Variants in JAKMIP1 observed in about 807,000 individuals in gnomAD.
JAKMIP1 encodes the protein janus kinase and microtubule-interacting protein 1.
JAKMIP1 carries 33 observed loss-of-function variants against 113.0 expected under a neutral mutation model. The observed-to-expected ratio is 0.29, with a 90% CI of 0.22 to 0.39. The LOEUF (loss-of-function observed/expected upper bound fraction) is 0.39, where lower values mean the gene tolerates loss of function less well. Among genes scored for constraint, JAKMIP1 ranks in the 10% least tolerant of loss-of-function variants. JAKMIP1 has a pLI of 1.00. For synonymous variants in JAKMIP1, 480 were observed against 459.9 expected (o/e 1.04, Z -0.56); for missense variants, 813 against 1,080.5 (o/e 0.75, Z 3.47).
chr4:6,156,177 C>T lies in JAKMIP1; in HGVS notation c.-147-43180G>A, dbSNP rs1722217821. Among the ~76,000 whole-genome samples the T allele has an allele frequency of 6.6e-6, 1 of 152,228 alleles. No individual in the cohort carries two copies. Among genetic ancestry groups the T allele is most frequent in the Non-Finnish European group, 1.5e-5 (1 of 68,036 alleles). ...AGACCGGGAACATCTTCTCACCGTA[C>T]CACGCCCGGCACAGAGCCAGCCAGC... On this transcript the variant is annotated intron_variant, in intron 1 of 20. Coordinates refer to ENST00000409021, the MANE Select transcript of JAKMIP1 (RefSeq NM_001099433.2). This position sits in a 1 kb window ranked among gnomAD's most constrained non-coding sequence, Gnocchi z 5.0.
chr4:6,076,622 A>G lies in JAKMIP1; in HGVS notation c.1302+2317T>C, dbSNP rs927988583. 1.3e-5 allele frequency among the ~76,000 whole-genome samples: 2 copies of G among 152,136 alleles called. No homozygotes were observed. The highest frequency in any genetic ancestry group is 2.9e-5 in the Non-Finnish European group (2 of 68,022). On this transcript the variant is annotated intron_variant, in intron 8 of 20. Coordinates refer to ENST00000409021, the MANE Select transcript of JAKMIP1 (RefSeq NM_001099433.2). The surrounding 1 kb of genome is among the most constrained non-coding windows in gnomAD (Gnocchi z 4.8). ...TGGGAGCCAAATTGCACCCATAGATATATTTTATGTGGCCCACAGGTATAT... is the reference window on the plus strand; with the variant it reads ...TGGGAGCCAAATTGCACCCATAGATGTATTTTATGTGGCCCACAGGTATAT...
chr4:6,074,380 T>A (rs1719409109), intron 8 of JAKMIP1, among the ~76,000 whole-genome samples: 2 of 152,164 alleles, frequency 1.3e-5, no homozygotes, highest in Admixed American at 6.5e-5. Flanking sequence ...AGAGTAGGGA[T>A]GGGGCTGTCA....
rs144848445 is a variant in JAKMIP1 at position 6,032,025 on chromosome 4, C to T, written c.2380-2244G>A. The stretch of plus-strand genomic sequence containing the variant: ...GCAACCCCCTCACATGCAGGGCGGC[C>T]GAGTGCTGCTGAGTAAGCAGGGCAT... On this transcript the variant is annotated intron_variant, in intron 19 of 20. Transcript: ENST00000409021. 3.4e-3 allele frequency among the ~76,000 whole-genome samples: 516 copies of T among 152,262 alleles called. 2 individuals are homozygous for T. Among genetic ancestry groups the T allele is most frequent in the African/African-American group, 0.012 (494 of 41,536 alleles).
At position 6,199,861 on chromosome 4, in the gene JAKMIP1, G is replaced by A. The variant is rs1040166682; in HGVS notation, c.-148+392C>T. Among the ~76,000 whole-genome samples, 4 of 151,460 alleles carry A rather than the reference G, an allele frequency of 2.6e-5. No homozygotes were observed. Among genetic ancestry groups the A allele is most frequent in the Non-Finnish European group, 5.9e-5 (4 of 67,756 alleles). On this transcript the variant is annotated intron_variant, in intron 1 of 20. Transcript: ENST00000409021. The surrounding 1 kb of genome is among the most constrained non-coding windows in gnomAD (Gnocchi z 5.6). ...CACACCCCCCGCGCCACTCCGGCAGGCACCGGGTGGGTCCCCCTCCCGCTC... is the reference window on the plus strand; with the variant it reads ...CACACCCCCCGCGCCACTCCGGCAGACACCGGGTGGGTCCCCCTCCCGCTC...
Position 6,042,354 on chromosome 4 carries a change from G to C in JAKMIP1, c.2029-127C>G. On this transcript the variant is annotated intron_variant, in intron 16 of 20. Transcript: ENST00000409021. The surrounding 1 kb of genome is among the most constrained non-coding windows in gnomAD (Gnocchi z 5.2). ...CAGAGTGTGCTCAGGAATGGGTCAG[G>C]TCATGGCACACACATGCCTGATCTG... 1.4e-6 allele frequency: 1 copy of C among 739,914 alleles called. No homozygotes were observed. Among genetic ancestry groups the C allele is most frequent in the Non-Finnish European group, 2.4e-6 (1 of 422,254 alleles). 45.8% of individuals were successfully genotyped at this position (739,914 alleles called of 1,614,324 possible). A position where few individuals can be genotyped will look rare whatever the true frequency, so the allele number is the denominator to read the frequency against.
rs1003785606 is a variant in JAKMIP1, at chr4:6,076,123, C to T, written c.1302+2816G>A. 2.0e-5 allele frequency among the ~76,000 whole-genome samples: 3 copies of T among 152,134 alleles called. No individual in the cohort carries two copies. The highest frequency in any genetic ancestry group is 7.2e-5 in the African/African-American group (3 of 41,410). ...CCTGGGAGGCAGAGGTTGCAATGAG[C>T]CGAGATTGTGCCATTGCACTCCAGC... On this transcript the variant is annotated intron_variant, in intron 8 of 20. Transcript: ENST00000409021. The surrounding 1 kb of genome is among the most constrained non-coding windows in gnomAD (Gnocchi z 4.8).
chr4:6,078,824 A>C, intron 8 of JAKMIP1, 115 bp downstream of exon 8: 1 of 886,560 alleles, frequency 1.1e-6, no homozygotes, highest in Non-Finnish European at 1.9e-6. Context: ...GCATGCAGAG[A>C]TGTGTGTGTC....
chr4:6,128,583 A>T (rs941791010), intron 1 of JAKMIP1, among the ~76,000 whole-genome samples: 2 of 152,034 alleles, frequency 1.3e-5, no homozygotes, highest in South Asian at 2.1e-4. Flanking sequence ...GAACGGATCC[A>T]TTGTCTGCCT....
At chr4:6,095,207 A>G (rs986519701) in intron 3 of JAKMIP1, among the ~76,000 whole-genome samples, 1 of 145,944 alleles carries the variant, frequency 6.9e-6, no homozygotes, top group African/African-American at 2.5e-5. Context: ...GAGGAGGGAA[A>G]TAGAAGAAAG....
In JAKMIP1 at chr4:6,141,177, T is replaced by C. The variant is rs919315023; in HGVS notation, c.-147-28180A>G. On this transcript the variant is annotated intron_variant, in intron 1 of 20. Transcript: ENST00000409021. This position sits in a 1 kb window ranked among gnomAD's most constrained non-coding sequence, Gnocchi z 9.4. Reference sequence around the variant, plus strand: ...GAGGCCGGGCGCAGTGGCTCATGCCTGTAATCCCAACACTTTGGGATGCTG... The same window carrying C: ...GAGGCCGGGCGCAGTGGCTCATGCCCGTAATCCCAACACTTTGGGATGCTG... Among the ~76,000 whole-genome samples the C allele has an allele frequency of 2.0e-5, 3 of 152,226 alleles. No individual in the cohort carries two copies. The highest frequency in any genetic ancestry group is 4.4e-5 in the Non-Finnish European group (3 of 68,048).
rs77724361 is a variant in JAKMIP1 at position 6,138,641 on chromosome 4, C to T, written c.-147-25644G>A. On this transcript the variant is annotated intron_variant, in intron 1 of 20. Coordinates refer to ENST00000409021, the MANE Select transcript of JAKMIP1 (RefSeq NM_001099433.2). The surrounding 1 kb of genome is among the most constrained non-coding windows in gnomAD (Gnocchi z 6.0). ...GTTAACTACAGACAGACCCTCCACA[C>T]ACCTACATCCACTGGCAGAACTTCA... Among the ~76,000 whole-genome samples, 204 of 152,292 alleles carry T rather than the reference C, an allele frequency of 1.3e-3. 1 individual carries two copies. Among genetic ancestry groups the T allele is most frequent in the East Asian group, 0.011 (57 of 5,176 alleles).
chr4:6,073,077 T>TA (rs5855900), intron 8 of JAKMIP1, among the ~76,000 whole-genome samples: 5,964 of 123,848 alleles, frequency 0.048, 494 homozygotes, highest in African/African-American at 0.16. Context: ...AACTCTGTCT[T>TA]AAAAAAAAAA....
intron 18 of JAKMIP1, among the ~76,000 whole-genome samples, chr4:6,037,336 C>T (rs1713628101): frequency 8.3e-6 from 1 of 120,430 alleles, no homozygotes; most frequent in Admixed American, 7.3e-5. Context: ...ATCACCGAGG[C>T]AGAGGTTAAC....
intron 3 of JAKMIP1, among the ~76,000 whole-genome samples, chr4:6,096,726 T>G (rs1456674746): frequency 1.3e-5 from 2 of 152,132 alleles, no homozygotes; most frequent in Non-Finnish European, 2.9e-5. Flanking sequence ...GGACCAGAAG[T>G]GTTACAGATT....
chr4:6,175,294 A>T (rs1457498947), intron 1 of JAKMIP1, among the ~76,000 whole-genome samples: 1 of 152,150 alleles, frequency 6.6e-6, no homozygotes, highest in Non-Finnish European at 1.5e-5. Context: ...GTGAGCTCCA[A>T]ATGGGGTCCC....
Position 6,036,030 on chromosome 4 carries a change from G to A in JAKMIP1, c.2253C>T (p.Ser751=), listed in dbSNP as rs775673855. The change falls in exon 19 of 21, where the codon AGC becomes AGT. Residue 751 remains serine (S), a synonymous_variant. Transcript: ENST00000409021. ...EPGRRAGEAL[S]EGQREDLQAA... ...CCTGCAGGTCCTCCCGCTGGCCCTC[G>A]CTCAGCGCCTCACCGGCCCTCCGCC... The A allele has an allele frequency of 1.2e-4, 183 of 1,553,622 alleles. No homozygotes were observed. Among genetic ancestry groups the A allele is most frequent in the Non-Finnish European group, 4.4e-5 (51 of 1,148,158 alleles).
intron 1 of JAKMIP1, among the ~76,000 whole-genome samples, chr4:6,173,691 C>T (rs763145472): frequency 5.3e-5 from 8 of 152,136 alleles, no homozygotes; most frequent in Non-Finnish European, 1.0e-4. Context: ...TATTTCTATC[C>T]TTGTGGGCCA....
At position 6,181,838 on chromosome 4, in the gene JAKMIP1, G is replaced by A. The variant is rs1429954032; in HGVS notation, c.-148+18415C>T. On this transcript the variant is annotated intron_variant, in intron 1 of 20. Coordinates refer to ENST00000409021, the MANE Select transcript of JAKMIP1 (RefSeq NM_001099433.2). The surrounding 1 kb of genome is among the most constrained non-coding windows in gnomAD (Gnocchi z 5.4). ...GCCAGCGGGGAAGAAGACTGTGAAT[G>A]GCATCAGTCACACACTGTGACCATG... Among the ~76,000 whole-genome samples the A allele has an allele frequency of 1.3e-5, 2 of 152,112 alleles. No individual in the cohort carries two copies. Among genetic ancestry groups the A allele is most frequent in the African/African-American group, 4.8e-5 (2 of 41,440 alleles).
At chr4:6,100,722 C>T (rs1416934718) in intron 3 of JAKMIP1, among the ~76,000 whole-genome samples, 2 of 152,048 alleles carry the variant, frequency 1.3e-5, no homozygotes, top group East Asian at 1.9e-4. Context: ...CCTCCACATG[C>T]TAGTCAACAT....
Sources: allele counts gnomAD v4.1 joint callset (sites outside exome capture counted in the v4.1 genomes callset), GRCh38; gene constraint gnomAD v4.1.1; non-coding constraint Gnocchi (gnomAD v3.1); transcripts MANE v1.5; gene names NCBI Gene and HGNC (gene_info 2026-07-23, HGNC 2026-07-21).